PARVB: variants seen among roughly 807,000 people sequenced by gnomAD.
PARVB encodes parvin beta.
A neutral mutation model predicts 47.0 loss-of-function variants in PARVB; 46 were observed. The ratio of observed to expected loss-of-function variants is 0.98; its 90% CI spans 0.77 to 1.25. The LOEUF (loss-of-function observed/expected upper bound fraction) is 1.25. PARVB is among the 50% of genes most tolerant of loss of function. The pLI, the probability that PARVB is intolerant of heterozygous loss-of-function variation, is 0.00. For synonymous variants in PARVB, 196 were observed against 196.3 expected, an observed-to-expected ratio of 1.00 and a Z score of 0.01; for missense variants, 473 against 471.6, an observed-to-expected ratio of 1.00 and a Z score of -0.03.
Position 44,089,448 on chromosome 22 carries a change from A to G in PARVB, c.113-4480A>G, listed in dbSNP as rs1185204575. The G allele has an allele frequency of 6.6e-6, 1 of 151,808 alleles. No individual in the cohort carries two copies. Among genetic ancestry groups the G allele is most frequent in the African/African-American group, 2.4e-5 (1 of 41,086 alleles). 9.4% of individuals were successfully genotyped at this position (151,808 alleles called of 1,614,324 possible). The stretch of plus-strand genomic sequence containing the variant: ...TGTGCCAGCGCGCCTGTGCCAGCAC[A>G]CCCGGGCCAGCACACCCGGGCCAGC... On this transcript the variant is annotated intron_variant, in intron 1 of 12. Coordinates refer to ENST00000338758, the MANE Select transcript of PARVB (RefSeq NM_013327.5). This position sits in a 1 kb window ranked among gnomAD's most constrained non-coding sequence, Gnocchi z 4.0.
chr22:44,013,031 A>T (rs2050539170), intron 2 of PARVB, among the ~76,000 whole-genome samples: 1 of 151,858 alleles, frequency 6.6e-6, no homozygotes, highest in African/African-American at 2.4e-5. Context: ...CAAGTAGCTA[A>T]GACTACAGGC....
rs115089059 is a variant in PARVB at position 44,123,142 on chromosome 22, C to T, written c.376+4002C>T. ...TTTCCTGTAGCCACTTTCTGTCTTCCCTGGACTGTTCAGTGTGCAGACATG... is the reference window on the plus strand; with the variant it reads ...TTTCCTGTAGCCACTTTCTGTCTTCTCTGGACTGTTCAGTGTGCAGACATG... On this transcript the variant is annotated intron_variant, in intron 4 of 12. Transcript: ENST00000338758. Among the ~76,000 whole-genome samples, 934 of 152,294 alleles carry T rather than the reference C, an allele frequency of 6.1e-3. 14 individuals are homozygous for T. The highest frequency in any genetic ancestry group is 0.022 in the African/African-American group (909 of 41,550).
At chr22:44,146,350 C>T (rs1569152656) in intron 8 of PARVB, 2 of 135,404 alleles carry the variant, frequency 1.5e-5, no homozygotes, top group Non-Finnish European at 3.2e-5. Context: ...CACAGGTGCT[C>T]ACACACACAC....
At chr22:44,086,827 A>G in intron 1 of PARVB, 1 of 985,402 alleles carries the variant, frequency 1.0e-6, no homozygotes, top group Non-Finnish European at 1.2e-6. Flanking sequence ...CTGAGTACGG[A>G]TGGAAGTTGG....
chr22:44,117,216 G>A (rs2052927854), intron 3 of PARVB, among the ~76,000 whole-genome samples: 1 of 152,162 alleles, frequency 6.6e-6, no homozygotes, highest in South Asian at 2.1e-4. Context: ...GTTGCAGGAG[G>A]GCAGAAACCG....
intron 1 of PARVB, among the ~76,000 whole-genome samples, chr22:44,074,577 C>T (rs1449527935): frequency 6.6e-6 from 1 of 152,190 alleles, no homozygotes; most frequent in Non-Finnish European, 1.5e-5. Flanking sequence ...GAGCTTTTCA[C>T]AGCCCTGGGA....
intron 1 of PARVB, chr22:44,026,233 T>A: frequency 1.3e-6 from 1 of 785,906 alleles, no homozygotes; most frequent in Non-Finnish European, 1.5e-6. Context: ...TTGATGTGTG[T>A]CTAGAAAATT....
chr22:44,121,076 C>A (rs926600355), intron 4 of PARVB, among the ~76,000 whole-genome samples: 1 of 152,142 alleles, frequency 6.6e-6, no homozygotes, highest in Admixed American at 6.5e-5. Flanking sequence ...CTCCTGACCT[C>A]ATGATCCACC....
intron 4 of PARVB, among the ~76,000 whole-genome samples, chr22:44,130,055 C>T (rs557382636): frequency 6.6e-6 from 1 of 152,352 alleles, no homozygotes; most frequent in South Asian, 2.1e-4. Flanking sequence ...ACACTGAAGA[C>T]ATGGGGGCCT....
At chr22:44,083,439 C>T (rs927844933) in intron 1 of PARVB, among the ~76,000 whole-genome samples, 2 of 152,148 alleles carry the variant, frequency 1.3e-5, no homozygotes, top group African/African-American at 4.8e-5. Context: ...GGGAGATGAG[C>T]ACAGTCCACA....
intron 7 of PARVB, chr22:44,139,899 T>A (rs1010804940): frequency 1.0e-4 from 58 of 573,694 alleles, no homozygotes; most frequent in Middle Eastern, 4.7e-4. Flanking sequence ...GATTTGCTGC[T>A]GACCTTGTGC....
intron 6 of PARVB, among the ~76,000 whole-genome samples, chr22:44,134,166 T>C (rs1034934259): frequency 6.6e-6 from 1 of 152,292 alleles, no homozygotes; most frequent in Non-Finnish European, 1.5e-5. Context: ...TTCTGGCCCC[T>C]CTGTTACCCT....
chr22:44,151,014 AGAGT>A (rs1158170494), intron 9 of PARVB: 2 of 136,184 alleles, frequency 1.5e-5, no homozygotes, highest in African/African-American at 5.6e-5. Context: ...CCTGGGCGAC[AGAGT>A]GAGACTGTCT....
rs960992493 is a variant in PARVB, at chr22:44,074,896, G to A, written c.113-19032G>A. Among the ~76,000 whole-genome samples the A allele has an allele frequency of 5.9e-5, 9 of 152,320 alleles. 1 individual carries two copies. The South Asian group carries it at 6.2e-4, about 11-fold the overall frequency. ...TGCACTAGGTGAGGAAGCAGAGGACGGAGGAGCCCAGTGGGCTCTGGGAGC... is the reference window on the plus strand; with the variant it reads ...TGCACTAGGTGAGGAAGCAGAGGACAGAGGAGCCCAGTGGGCTCTGGGAGC... On this transcript the variant is annotated intron_variant, in intron 1 of 12. Transcript: ENST00000338758.
At chr22:44,122,086 CTCTG>C (rs2053060671) in intron 4 of PARVB, among the ~76,000 whole-genome samples, 2 of 152,098 alleles carry the variant, frequency 1.3e-5, no homozygotes, top group South Asian at 4.2e-4. Flanking sequence ...ATTTGTTTCT[CTCTG>C]TATTTAGTTT....
intron 1 of PARVB, among the ~76,000 whole-genome samples, chr22:44,069,876 A>C (rs1283836159): frequency 6.6e-6 from 1 of 152,138 alleles, no homozygotes; most frequent in African/African-American, 2.4e-5. Context: ...CCCTCTAAGT[A>C]GCTGATCGTG....
intron 1 of PARVB, among the ~76,000 whole-genome samples, chr22:44,078,979 G>A (rs1014475263): frequency 5.3e-5 from 8 of 152,140 alleles, no homozygotes; most frequent in African/African-American, 1.9e-4. Context: ...CACCCGCCTC[G>A]GCCTCCCAAA....
chr22:44,054,112 C>A (rs1012552476), intron 1 of PARVB, among the ~76,000 whole-genome samples: 1 of 152,150 alleles, frequency 6.6e-6, no homozygotes, highest in Admixed American at 6.5e-5. Context: ...TGTGGGGGCC[C>A]CTCTCTGGAG....
At chr22:44,128,431 C>T (rs1230047288) in intron 4 of PARVB, among the ~76,000 whole-genome samples, 1 of 152,212 alleles carries the variant, frequency 6.6e-6, no homozygotes, top group Non-Finnish European at 1.5e-5. Flanking sequence ...TGAGCTGCTC[C>T]TGCGGCCCCC....
Sources: gnomAD v4.1 joint callset for allele counts (sites outside exome capture counted in the v4.1 genomes callset) on GRCh38, gnomAD v4.1.1 for gene constraint, Gnocchi (gnomAD v3.1) non-coding constraint, MANE v1.5 for transcripts, NCBI Gene and HGNC (gene_info 2026-07-23, HGNC 2026-07-21) for gene names.